Variants in CARS1 observed in about 807,000 individuals in gnomAD.
The protein encoded by CARS1 is cysteine--tRNA ligase, cytoplasmic.
Under a neutral mutation model 106.2 loss-of-function variants are expected in CARS1, and 48 were observed. The observed-to-expected ratio is 0.45, with a 90% confidence interval of 0.36 to 0.57. CARS1 has a LOEUF of 0.57. Among genes scored for constraint, CARS1 ranks in the 20% least tolerant of loss-of-function variants. CARS1 has a pLI of 0.00. For missense variants in CARS1, 968 were observed against 1,057.2 expected (o/e 0.92, Z 1.17); for synonymous variants, 409 against 403.4 (o/e 1.01, Z -0.17).
intron 1 of CARS1, among the ~76,000 whole-genome samples, chr11:3,051,016 G>C (rs1271429225): frequency 1.3e-5 from 2 of 152,226 alleles, no homozygotes; most frequent in African/African-American, 4.8e-5. Context: ...CAGATGAGTG[G>C]ACAGCAGAAT....
chr11:3,007,569 G>C (rs1316281582), intron 18 of CARS1: 1 of 152,728 alleles, frequency 6.5e-6, no homozygotes, highest in African/African-American at 2.4e-5. Context: ...TGTAAAGGCG[G>C]GGCTGAGCGG....
chr11:3,018,012 C>G, intron 14 of CARS1, 58 bp from the exon 15 acceptor site: 1 of 1,095,528 alleles, frequency 9.1e-7, no homozygotes, highest in Non-Finnish European at 1.4e-6. Flanking sequence ...CCTGAAATAT[C>G]TGTTACAACT....
At chr11:3,018,872 G>T in intron 12 of CARS1, 123 bp from the exon 13 acceptor site, 2 of 1,330,496 alleles carry the variant, frequency 1.5e-6, no homozygotes, top group Non-Finnish European at 2.0e-6. Context: ...TCCAGGTGGT[G>T]CAGGCAGGGC....
chr11:3,012,992 C>T (rs1477074309), intron 17 of CARS1, among the ~76,000 whole-genome samples: 2 of 148,842 alleles, frequency 1.3e-5, no homozygotes, highest in African/African-American at 2.5e-5. Context: ...CAGGTTCAAG[C>T]GATTCACCTG....
intron 16 of CARS1, among the ~76,000 whole-genome samples, chr11:3,016,774 G>A (rs2134138199): frequency 6.6e-6 from 1 of 152,112 alleles, no homozygotes; most frequent in East Asian, 1.9e-4. Context: ...CACCACACCT[G>A]GCTAATTTTT....
rs928176500 is a variant in CARS1 at position 3,043,608 on chromosome 11, G to A, written c.275-1352C>T. On this transcript the variant is annotated intron_variant, in intron 2 of 22. Transcript: ENST00000380525. The surrounding 1 kb of genome is among the most constrained non-coding windows in gnomAD (Gnocchi z 4.0). ...CGCCTGGCAGCTCACCAGGGTGCTC[G>A]CATCCTGCCTCCTCCTGTCCCTGGT... Among the ~76,000 whole-genome samples the A allele has an allele frequency of 4.6e-5, 7 of 151,618 alleles. No individual in the cohort carries two copies. Among genetic ancestry groups the A allele is most frequent in the African/African-American group, 4.9e-5 (2 of 41,212 alleles).
chr11:3,017,771 G>T lies in CARS1; in HGVS notation c.1727+86C>A. The T allele has an allele frequency of 1.1e-6, 1 of 899,448 alleles. No individual in the cohort carries two copies. Among genetic ancestry groups the T allele is most frequent in the Non-Finnish European group, 1.9e-6 (1 of 540,186 alleles). The allele number at this position is 899,448 out of a possible 1,614,324, so 55.7% of individuals were successfully genotyped here. A position where few individuals can be genotyped will look rare whatever the true frequency, so the allele number is the denominator to read the frequency against. ...CAGTGTCCCCAGCCCTTCCTCGACA[G>T]TCCAGGACACATGGTGGCCAAGATG... On this transcript the variant is annotated intron_variant, in intron 15 of 22. Coordinates refer to ENST00000380525, the MANE Select transcript of CARS1 (RefSeq NM_001014437.3). The surrounding 1 kb of genome is among the most constrained non-coding windows in gnomAD (Gnocchi z 4.9).
At chr11:3,026,832 T>A (rs377382821) in intron 9 of CARS1, 35 bp from the exon 10 acceptor site, 42 of 1,593,262 alleles carry the variant, frequency 2.6e-5, no homozygotes, top group Non-Finnish European at 3.4e-5. Context: ...TGGGTGCATC[T>A]AACAGACCCG....
chr11:3,018,156 G>A (rs886946432), intron 14 of CARS1: 13 of 613,264 alleles, frequency 2.1e-5, no homozygotes, highest in African/African-American at 1.3e-4. Context: ...TCATTTGGTG[G>A]AAAGTACAAG....
chr11:3,012,195 CT>C lies in CARS1; in HGVS notation c.2067del (p.Val690SerfsTer33), dbSNP rs540763588. ...ACTCTTTCCAGCAACTGGTCCTCAC[CT>C]TTTTGCTCTCGGGCAATCTTCCGCA... ...EGVRKIAREQ[K>X]VPEILQLSDA... On this transcript the variant is annotated frameshift_variant and splice_region_variant, in exon 18 of 23. Transcript: ENST00000380525. LOFTEE classifies it high-confidence loss of function. 6.2e-7 allele frequency: 1 copy of C among 1,614,022 alleles called. No homozygotes were observed. The highest frequency in any genetic ancestry group is 1.1e-5 in the South Asian group (1 of 91,084).
In CARS1 at chr11:3,019,039, T is replaced by C; in HGVS notation, c.1395+100A>G. On this transcript the variant is annotated intron_variant, in intron 12 of 22. Transcript: ENST00000380525. The surrounding 1 kb of genome is among the most constrained non-coding windows in gnomAD (Gnocchi z 6.2). ...AAGCCCCGATGAAGGTGTCAAGTTC[T>C]AGTGAGAGAGGCCCTTCTGAGGCCT... 6.7e-6 allele frequency: 9 copies of C among 1,345,484 alleles called. No homozygotes were observed. Among genetic ancestry groups the C allele is most frequent in the Non-Finnish European group, 9.1e-6 (9 of 991,752 alleles). 83.3% of individuals were successfully genotyped at this position (1,345,484 alleles called of 1,614,324 possible). A position where few individuals can be genotyped will look rare whatever the true frequency, so the allele number is the denominator to read the frequency against.
Position 3,041,196 on chromosome 11 carries a change from G to A in CARS1, c.367-212C>T, listed in dbSNP as rs1175218863. The A allele has an allele frequency of 1.2e-5, 7 of 573,378 alleles. No individual in the cohort carries two copies. Among genetic ancestry groups the A allele is most frequent in the Non-Finnish European group, 1.8e-5 (6 of 335,052 alleles). 35.5% of individuals were successfully genotyped at this position (573,378 alleles called of 1,614,324 possible). A position where few individuals can be genotyped will look rare whatever the true frequency, so the allele number is the denominator to read the frequency against. On this transcript the variant is annotated intron_variant, in intron 3 of 22. Coordinates refer to ENST00000380525, the MANE Select transcript of CARS1 (RefSeq NM_001014437.3). This position sits in a 1 kb window ranked among gnomAD's most constrained non-coding sequence, Gnocchi z 4.9. ...CACCAACTGAGCCCTGGGTGGGTGG[G>A]GCCTCTTCCTCCCTGGGGTTCTACT...
chr11:3,029,141 T>A lies in CARS1; in HGVS notation c.943-57A>T, dbSNP rs928896796. On this transcript the variant is annotated intron_variant, in intron 8 of 22. Transcript: ENST00000380525. The surrounding 1 kb of genome is among the most constrained non-coding windows in gnomAD (Gnocchi z 5.9). ...TCCCTTCTGAAAACCACGCGCTCCA[T>A]AAAAACGTTCCCAATTCATAAAACG... The A allele has an allele frequency of 1.4e-6, 2 of 1,462,442 alleles. No homozygotes were observed. Among genetic ancestry groups the A allele is most frequent in the African/African-American group, 2.8e-5 (2 of 71,642 alleles). The allele number at this position is 1,462,442 out of a possible 1,614,324, so 90.6% of individuals were successfully genotyped here.
At position 3,029,577 on chromosome 11, in the gene CARS1, C is replaced by CT. The variant is rs1852498754; in HGVS notation, c.802-135dup. The CT allele has an allele frequency of 1.2e-6, 1 of 855,954 alleles. No individual in the cohort carries two copies. 53.0% of individuals were successfully genotyped at this position (855,954 alleles called of 1,614,324 possible). On this transcript the variant is annotated intron_variant, in intron 7 of 22. Coordinates refer to ENST00000380525, the MANE Select transcript of CARS1 (RefSeq NM_001014437.3). The surrounding 1 kb of genome is among the most constrained non-coding windows in gnomAD (Gnocchi z 5.9). ...TTGACCTGTGAAGAGCCACCGTCTC[C>CT]TAGGGAGACTGTGATGCTTACACAA...
chr11:3,036,318 C>G (rs189322210), intron 7 of CARS1, among the ~76,000 whole-genome samples: 1 of 152,224 alleles, frequency 6.6e-6, no homozygotes, highest in Non-Finnish European at 1.5e-5. Flanking sequence ...GAACCCCCGA[C>G]AGTCACTCAC....
intron 21 of CARS1, 60 bp downstream of exon 21, chr11:3,002,481 C>A: frequency 6.2e-7 from 1 of 1,605,030 alleles, no homozygotes; most frequent in Non-Finnish European, 8.5e-7. Context: ...AGCCACAGGG[C>A]ATGGGGTCAG....
Position 3,001,185 on chromosome 11 carries a change from T to C in CARS1, c.2425A>G (p.Lys809Glu). 1 of 1,614,116 alleles carries C rather than the reference T, an allele frequency of 6.2e-7. No individual in the cohort carries two copies. The highest frequency in any genetic ancestry group is 8.5e-7 in the Non-Finnish European group (1 of 1,180,008). The change falls in exon 23 of 23, where the codon AAG becomes GAG. Residue 809 changes from lysine (K) to glutamate (E), a missense_variant. Coordinates refer to ENST00000380525, the MANE Select transcript of CARS1 (RefSeq NM_001014437.3). ...LSKGQAKKLK[K>E]LFEAQEKLYK... Reference sequence around the variant, plus strand: ...AGCTTCTCCTGAGCCTCGAAGAGCTTCTTCAGCTTCTTGGCTTGCCCTTTG... The same window carrying C: ...AGCTTCTCCTGAGCCTCGAAGAGCTCCTTCAGCTTCTTGGCTTGCCCTTTG...
chr11:3,049,666 C>A (rs1407622133), intron 1 of CARS1, among the ~76,000 whole-genome samples: 1 of 152,262 alleles, frequency 6.6e-6, no homozygotes, highest in African/African-American at 2.4e-5. Context: ...ATGCACATGT[C>A]TGGCCACCCC....
chr11:3,035,726 T>C (rs1853526358), intron 7 of CARS1, among the ~76,000 whole-genome samples: 1 of 152,246 alleles, frequency 6.6e-6, no homozygotes, highest in African/African-American at 2.4e-5. Context: ...GCTCAAGTGA[T>C]CCTCTTGCCC....
Sources: gnomAD v4.1 joint callset for allele counts (sites outside exome capture counted in the v4.1 genomes callset) on GRCh38, gnomAD v4.1.1 for gene constraint, Gnocchi (gnomAD v3.1) non-coding constraint, MANE v1.5 for transcripts, NCBI Gene and HGNC (gene_info 2026-07-23, HGNC 2026-07-21) for gene names.